Variants in PPP6R3 observed in about 807,000 individuals in gnomAD.
PPP6R3 encodes the protein protein phosphatase 6 regulatory subunit 3.
Under a neutral mutation model 110.7 loss-of-function variants are expected in PPP6R3, and 38 were observed. The ratio of observed to expected loss-of-function variants is 0.34; its 90% CI spans 0.26 to 0.45. The LOEUF (loss-of-function observed/expected upper bound fraction) is 0.45. PPP6R3 is among the 20% of genes least tolerant of loss of function. The pLI is 1.00. For synonymous variants in PPP6R3, 369 were observed against 373.5 expected, an observed-to-expected ratio of 0.99 and a Z score of 0.14; for missense variants, 870 against 1,062.4, an observed-to-expected ratio of 0.82 and a Z score of 2.52.
At chr11:68,599,651 T>A (rs2099624617) in intron 19 of PPP6R3, among the ~76,000 whole-genome samples, 1 of 152,258 alleles carries the variant, frequency 6.6e-6, no homozygotes, top group Admixed American at 6.5e-5. Flanking sequence ...TTTTGAATAA[T>A]TTAGATTTAT....
intron 1 of PPP6R3, among the ~76,000 whole-genome samples, chr11:68,514,332 T>G (rs1488687178): frequency 6.6e-6 from 1 of 151,984 alleles, no homozygotes; most frequent in East Asian, 1.9e-4. Flanking sequence ...CTCCCAAAGC[T>G]CTGGGATCTC....
chr11:68,569,657 T>C, intron 10 of PPP6R3, 91 bp from the exon 11 acceptor site: 4 of 1,194,518 alleles, frequency 3.3e-6, no homozygotes, highest in Non-Finnish European at 4.6e-6. Flanking sequence ...ACATCATTTT[T>C]ACTTTATTAA....
chr11:68,590,152 T>G (rs539980230), intron 16 of PPP6R3, among the ~76,000 whole-genome samples: 1 of 152,236 alleles, frequency 6.6e-6, no homozygotes, highest in Non-Finnish European at 1.5e-5. Flanking sequence ...TTCAAACTTA[T>G]GTTTAATAAG....
Position 68,587,971 on chromosome 11 carries a change from T to C in PPP6R3, c.1677T>C (p.Ile559=). ...TGCAACAAATGACGTCCAATTTTATTGACCAGTTTGGCTTCAACGATGAGA... is the reference window on the plus strand; with the variant it reads ...TGCAACAAATGACGTCCAATTTTATCGACCAGTTTGGCTTCAACGATGAGA... ...YQMQQMTSNF[I]DQFGFNDEKF... Residue 559 remains isoleucine, a synonymous_variant, in exon 16 of 24, where the codon ATT becomes ATC. Coordinates refer to ENST00000393800, the MANE Select transcript of PPP6R3 (RefSeq NM_001164161.2). The C allele has an allele frequency of 6.2e-7, 1 of 1,614,246 alleles. No individual in the cohort carries two copies. Among genetic ancestry groups the C allele is most frequent in the Non-Finnish European group, 8.5e-7 (1 of 1,180,038 alleles).
At chr11:68,493,998 G>A (rs1225166985) in intron 1 of PPP6R3, among the ~76,000 whole-genome samples, 1 of 151,106 alleles carries the variant, frequency 6.6e-6, no homozygotes, top group Non-Finnish European at 1.5e-5. Flanking sequence ...AGCTACTCTG[G>A]AGGCTGAGGC....
Position 68,587,898 on chromosome 11 carries a change from A to G in PPP6R3, c.1633-29A>G, listed in dbSNP as rs768537033. The G allele has an allele frequency of 5.8e-6, 9 of 1,542,888 alleles. No homozygotes were observed. In the Admixed American group the frequency reaches 1.0e-4, roughly 17 times the overall value. On this transcript the variant is annotated intron_variant, in intron 15 of 23. Transcript: ENST00000393800. ...TGTAGAATATCATTAGAATCATTAT[A>G]TCACTGTCACTGGTCCTGGGGTTGC...
chr11:68,548,673 A>G (rs970110926), intron 5 of PPP6R3, among the ~76,000 whole-genome samples: 8 of 152,176 alleles, frequency 5.3e-5, no homozygotes, highest in African/African-American at 1.9e-4. Context: ...TTCTCTTCTC[A>G]TGGGTACAGA....
intron 8 of PPP6R3, among the ~76,000 whole-genome samples, chr11:68,562,465 A>G (rs989386452): frequency 2.0e-5 from 3 of 152,224 alleles, no homozygotes; most frequent in African/African-American, 7.2e-5. Context: ...GAATCAAAGT[A>G]CAGTAGCCAA....
intron 1 of PPP6R3, among the ~76,000 whole-genome samples, chr11:68,503,712 C>T (rs1179556430): frequency 1.3e-5 from 2 of 152,044 alleles, no homozygotes; most frequent in Admixed American, 1.3e-4. Flanking sequence ...GTAGAGAGAT[C>T]GCAGATTGGA....
chr11:68,607,169 A>C (rs1940582897), intron 22 of PPP6R3, among the ~76,000 whole-genome samples: 1 of 152,208 alleles, frequency 6.6e-6, no homozygotes, highest in African/African-American at 2.4e-5. Flanking sequence ...AATACTCTAA[A>C]ATTTATATGG....
chr11:68,583,008 A>G (rs938750302), intron 14 of PPP6R3, 35 bp from the exon 15 acceptor site: 14 of 1,378,918 alleles, frequency 1.0e-5, no homozygotes, highest in Middle Eastern at 1.9e-4. Flanking sequence ...AAACTTTTCT[A>G]TGTTAAATAG....
chr11:68,519,885 G>A (rs927701852), intron 2 of PPP6R3, among the ~76,000 whole-genome samples: 1 of 152,130 alleles, frequency 6.6e-6, no homozygotes, highest in Non-Finnish European at 1.5e-5. Context: ...AAGCTTATAG[G>A]GGGTTATTGA....
At chr11:68,523,711 C>T in intron 2 of PPP6R3, among the ~76,000 whole-genome samples, 2 of 11,756 alleles carry the variant, frequency 1.7e-4, no homozygotes, top group Non-Finnish European at 1.9e-4. Flanking sequence ...CCCCCTGCCC[C>T]CCCCCCCCCC....
chr11:68,592,154 T>C (rs560873511), intron 18 of PPP6R3, among the ~76,000 whole-genome samples: 4 of 146,086 alleles, frequency 2.7e-5, no homozygotes, highest in South Asian at 2.2e-4. Context: ...AATCCAGTCC[T>C]TTTTTTTTTT....
intron 1 of PPP6R3, among the ~76,000 whole-genome samples, chr11:68,508,040 T>TA (rs61408383): frequency 8.3e-4 from 118 of 142,618 alleles, no homozygotes; most frequent in South Asian, 2.0e-3. Flanking sequence ...ACCTCATGTG[T>TA]AAAAAAAAAA....
At chr11:68,495,920 A>G (rs889010130) in intron 1 of PPP6R3, among the ~76,000 whole-genome samples, 11 of 152,238 alleles carry the variant, frequency 7.2e-5, no homozygotes, top group Non-Finnish European at 1.2e-4. Context: ...TATTCTCCAA[A>G]GTGTCTACAC....
chr11:68,551,265 T>G, intron 6 of PPP6R3, 79 bp downstream of exon 6: 1 of 1,065,112 alleles, frequency 9.4e-7, no homozygotes, highest in Non-Finnish European at 1.4e-6. Flanking sequence ...AGCATACTTA[T>G]ATTAAATGTG....
chr11:68,483,782 A>G (rs2098929992), intron 1 of PPP6R3, among the ~76,000 whole-genome samples: 1 of 152,190 alleles, frequency 6.6e-6, no homozygotes, highest in Non-Finnish European at 1.5e-5. Flanking sequence ...GTGCCCAGTC[A>G]TATTCTAAAA....
At chr11:68,579,783 A>G (rs1197070159) in intron 14 of PPP6R3, among the ~76,000 whole-genome samples, 2 of 152,248 alleles carry the variant, frequency 1.3e-5, no homozygotes, top group East Asian at 3.8e-4. Context: ...TTGTAGATAC[A>G]CAAATACTTA....
Sources: gnomAD v4.1 joint callset for allele counts (sites outside exome capture counted in the v4.1 genomes callset) on GRCh38, gnomAD v4.1.1 for gene constraint, MANE v1.5 for transcripts, NCBI Gene and HGNC (gene_info 2026-07-23, HGNC 2026-07-21) for gene names.